Variants in SNTG1 observed in about 807,000 individuals in gnomAD.
SNTG1 encodes the protein syntrophin gamma 1.
SNTG1 carries 39 observed loss-of-function variants against 74.7 expected under a neutral mutation model. The ratio of observed to expected loss-of-function variants is 0.52; its 90% confidence interval spans 0.40 to 0.68. The LOEUF is 0.68. SNTG1 is among the 30% of genes least tolerant of loss of function. The pLI is 0.00. For synonymous variants in SNTG1, 254 were observed against 217.1 expected (o/e 1.17, Z -1.49); for missense variants, 685 against 609.5 (o/e 1.12, Z -1.30).
intron 18 of SNTG1, among the ~76,000 whole-genome samples, chr8:50,769,450 G>A (rs941590687): frequency 6.6e-6 from 1 of 151,964 alleles, no homozygotes; most frequent in African/African-American, 2.4e-5. Context: ...ACAAAACACA[G>A]AGTGTAGTAA....
intron 12 of SNTG1, among the ~76,000 whole-genome samples, chr8:50,558,224 GC>G (rs1278399631): frequency 6.6e-6 from 1 of 152,184 alleles, no homozygotes; most frequent in East Asian, 1.9e-4. Context: ...TGGCCCGGCT[GC>G]CCCAGGCTCC....
chr8:50,768,886 C>A (rs2095620223), intron 18 of SNTG1, among the ~76,000 whole-genome samples: 1 of 151,928 alleles, frequency 6.6e-6, no homozygotes, highest in Non-Finnish European at 1.5e-5. Context: ...TTGTGTATAA[C>A]TTCCATAATA....
chr8:50,538,608 T>A (rs1219289602), intron 11 of SNTG1, among the ~76,000 whole-genome samples: 2 of 152,126 alleles, frequency 1.3e-5, no homozygotes. Flanking sequence ...CTTTTTTTTC[T>A]TTTCTTTTCT....
intron 8 of SNTG1, among the ~76,000 whole-genome samples, chr8:50,492,513 ATGTT>A (rs1344817553): frequency 6.6e-6 from 1 of 152,120 alleles, no homozygotes; most frequent in Non-Finnish European, 1.5e-5. Flanking sequence ...TTTTCTTCAT[ATGTT>A]TGTTGGCCAC....
intron 2 of SNTG1, among the ~76,000 whole-genome samples, chr8:50,390,700 G>A (rs557514433): frequency 1.3e-5 from 2 of 152,274 alleles, no homozygotes; most frequent in South Asian, 4.2e-4. Flanking sequence ...TCCTACCCAT[G>A]AACATGGAAT....
At chr8:50,510,989 T>G (rs2094067171) in intron 9 of SNTG1, among the ~76,000 whole-genome samples, 1 of 152,188 alleles carries the variant, frequency 6.6e-6, no homozygotes, top group African/African-American at 2.4e-5. Context: ...GCTTCTCTAT[T>G]TCTTTTAACT....
Position 49,926,201 on chromosome 8 carries a change from TAAG to T in SNTG1, c.-103+13975_-103+13977del, listed in dbSNP as rs1156708335. 4.6e-5 allele frequency among the ~76,000 whole-genome samples: 7 copies of T among 152,148 alleles called. No homozygotes were observed. The East Asian group carries it at 5.8e-4, about 13-fold the overall frequency. On this transcript the variant is annotated intron_variant, in intron 1 of 18. Coordinates refer to ENST00000642720, the MANE Select transcript of SNTG1 (RefSeq NM_018967.5). ...ACTTCCCACACAAGTATCGATTTTCTAAGAAGAGGTTCTAGGTAATGTCATATT... is the reference window on the plus strand; with the variant it reads ...ACTTCCCACACAAGTATCGATTTTCTAAGAGGTTCTAGGTAATGTCATATT...
intron 1 of SNTG1, among the ~76,000 whole-genome samples, chr8:49,996,134 A>C (rs1039351535): frequency 6.6e-6 from 1 of 152,052 alleles, no homozygotes; most frequent in Non-Finnish European, 1.5e-5. Flanking sequence ...TTGCCATTTT[A>C]GAAAACTTTC....
chr8:50,361,013 G>T (rs549378636), intron 2 of SNTG1, among the ~76,000 whole-genome samples: 1 of 152,220 alleles, frequency 6.6e-6, no homozygotes, highest in East Asian at 1.9e-4. Context: ...ATGATTTGCT[G>T]TTTTTTAACT....
intron 1 of SNTG1, among the ~76,000 whole-genome samples, chr8:49,985,394 T>G (rs1261519265): frequency 1.3e-5 from 2 of 152,230 alleles, no homozygotes; most frequent in East Asian, 3.9e-4. Context: ...GCTTCCTAAG[T>G]GCTGGGATTA....
At chr8:50,428,666 C>CCCAAAA in intron 4 of SNTG1, among the ~76,000 whole-genome samples, 1 of 152,236 alleles carries the variant, frequency 6.6e-6, no homozygotes, top group East Asian at 1.9e-4. Context: ...GAGAGAAAAA[C>CCCAAAA]CCAAAACCCT....
intron 4 of SNTG1, among the ~76,000 whole-genome samples, chr8:50,435,637 C>T (rs750615281): frequency 2.0e-5 from 3 of 152,152 alleles, no homozygotes; most frequent in Non-Finnish European, 2.9e-5. Flanking sequence ...AATGTGCAAT[C>T]TTGGTTTTAA....
chr8:50,669,147 C>A (rs1469269030), intron 15 of SNTG1, among the ~76,000 whole-genome samples: 1 of 151,744 alleles, frequency 6.6e-6, no homozygotes, highest in Non-Finnish European at 1.5e-5. Context: ...CGAGAGCAAA[C>A]ACATTCAAAA....
chr8:50,014,776 T>G (rs1298591128), intron 1 of SNTG1, among the ~76,000 whole-genome samples: 1 of 151,866 alleles, frequency 6.6e-6, no homozygotes, highest in Non-Finnish European at 1.5e-5. Context: ...TTTAAAATAG[T>G]AAAAAGAACT....
intron 15 of SNTG1, among the ~76,000 whole-genome samples, chr8:50,695,216 C>A (rs56853753): frequency 0.016 from 2,363 of 150,504 alleles, 39 homozygotes; most frequent in African/African-American, 0.045. Context: ...CACACACACA[C>A]AAAAAAAACC....
At chr8:50,365,689 A>C (rs2092088566) in intron 2 of SNTG1, among the ~76,000 whole-genome samples, 1 of 152,052 alleles carries the variant, frequency 6.6e-6, no homozygotes, top group African/African-American at 2.4e-5. Flanking sequence ...TTTCCTTTAA[A>C]ATTTATTGTG....
chr8:50,580,327 C>A (rs2094602281), intron 12 of SNTG1, among the ~76,000 whole-genome samples: 1 of 152,164 alleles, frequency 6.6e-6, no homozygotes, highest in Non-Finnish European at 1.5e-5. Context: ...ATGGAAGAGA[C>A]TTGCCTTGTC....
chr8:49,942,581 TC>T (rs1808796905), intron 1 of SNTG1, among the ~76,000 whole-genome samples: 2 of 152,218 alleles, frequency 1.3e-5, no homozygotes, highest in Admixed American at 1.3e-4. Flanking sequence ...CATTTTGTCC[TC>T]ATGTCTCCTC....
At chr8:50,248,777 G>T (rs1264945472) in intron 2 of SNTG1, among the ~76,000 whole-genome samples, 1 of 152,164 alleles carries the variant, frequency 6.6e-6, no homozygotes, top group Non-Finnish European at 1.5e-5. Context: ...TGGTGGTGCT[G>T]CTGATTATGA....
Sources: allele counts gnomAD v4.1 joint callset (sites outside exome capture counted in the v4.1 genomes callset), GRCh38; gene constraint gnomAD v4.1.1; transcripts MANE v1.5; gene names NCBI Gene and HGNC (gene_info 2026-07-23, HGNC 2026-07-21).